CLVS1: variants seen among roughly 807,000 people sequenced by gnomAD.
CLVS1 encodes clavesin-1.
In CLVS1, 10 loss-of-function variants were observed where a neutral mutation model predicts 33.1. That is an observed-to-expected ratio of 0.30 (90% CI 0.19 to 0.51). CLVS1 has a LOEUF of 0.51. CLVS1 is among the 20% of genes least tolerant of loss of function. CLVS1 has a pLI of 0.97. For missense variants in CLVS1, 343 were observed against 433.4 expected (o/e 0.79, Z 1.85); for synonymous variants, 163 against 166.1 (o/e 0.98, Z 0.14).
chr8:61,367,347 CTT>C (rs1447344553), intron 2 of CLVS1, among the ~76,000 whole-genome samples: 3 of 152,126 alleles, frequency 2.0e-5, no homozygotes, highest in Non-Finnish European at 4.4e-5. Context: ...CACAGGAAAA[CTT>C]TGCATTCCTT....
rs1415541033 is a variant in CLVS1, at chr8:61,105,754, T to G, written c.-242-26016T>G. The stretch of plus-strand genomic sequence containing the variant: ...AGTGCAATCATGTTAGGGTAGGAGG[T>G]CTCTGAACATTTTTTTTTTTTACTT... On this transcript the variant is annotated intron_variant, in intron 1 of 2. Transcript: ENST00000522621. Among the ~76,000 whole-genome samples the G allele has an allele frequency of 2.7e-5, 4 of 149,956 alleles. No homozygotes were observed. In the South Asian group the frequency reaches 6.4e-4, roughly 24 times the overall value.
the CLVS1 span, among the ~76,000 whole-genome samples, chr8:61,004,783 C>T: frequency 9.8e-5 from 15 of 152,340 alleles, no homozygotes; most frequent in Admixed American, 5.2e-4. Context: ...GCCTGGGCCC[C>T]GCGGTGAGGG....
At chr8:61,419,766 C>A (rs1391068885) in intron 3 of CLVS1, among the ~76,000 whole-genome samples, 9 of 152,214 alleles carry the variant, frequency 5.9e-5, no homozygotes, top group Admixed American at 5.9e-4. Flanking sequence ...GCTTTCCTGG[C>A]ATAGCGTCCT....
At chr8:60,965,647 C>G in the CLVS1 span, among the ~76,000 whole-genome samples, 1 of 152,204 alleles carries the variant, frequency 6.6e-6, no homozygotes, top group East Asian at 1.9e-4. Context: ...GGCAGGAAGA[C>G]AGAGCCACCT....
chr8:61,472,499 A>G (rs1391952614), intron 5 of CLVS1, among the ~76,000 whole-genome samples: 1 of 152,186 alleles, frequency 6.6e-6, no homozygotes, highest in Non-Finnish European at 1.5e-5. Context: ...GATGAGGAAG[A>G]TATCATCAAC....
At chr8:61,431,824 C>T (rs1193627828) in intron 3 of CLVS1, among the ~76,000 whole-genome samples, 4 of 152,254 alleles carry the variant, frequency 2.6e-5, no homozygotes, top group East Asian at 3.9e-4. Context: ...TCAAACTATC[C>T]GTGCCAGAAA....
chr8:61,311,558 C>T (rs1313434761), intron 2 of CLVS1, among the ~76,000 whole-genome samples: 4 of 152,112 alleles, frequency 2.6e-5, no homozygotes, highest in Non-Finnish European at 5.9e-5. Context: ...GGCTGCCCAC[C>T]AGGAAGATGT....
intron 2 of CLVS1, chr8:61,202,266 T>C: frequency 1.7e-6 from 1 of 572,808 alleles, no homozygotes; most frequent in Non-Finnish European, 3.2e-6. Context: ...CCTGGTGTGA[T>C]TCCATCCTGT....
intron 2 of CLVS1, among the ~76,000 whole-genome samples, chr8:61,216,777 T>C (rs1475374533): frequency 1.3e-5 from 2 of 152,166 alleles, no homozygotes; most frequent in Non-Finnish European, 2.9e-5. Flanking sequence ...AGCTAAACAT[T>C]AGTTTGGATC....
At chr8:61,384,124 C>T (rs1813991533) in intron 3 of CLVS1, among the ~76,000 whole-genome samples, 1 of 152,156 alleles carries the variant, frequency 6.6e-6, no homozygotes, top group Non-Finnish European at 1.5e-5. Flanking sequence ...GAAGTGCTTA[C>T]AGACAGTGGA....
intron 2 of CLVS1, among the ~76,000 whole-genome samples, chr8:61,332,574 T>C (rs1241029233): frequency 6.6e-6 from 1 of 152,074 alleles, no homozygotes; most frequent in Admixed American, 6.5e-5. Flanking sequence ...CCTAAGTTTA[T>C]GCATTAAAAG....
At chr8:61,275,402 A>G (rs1200840915) in intron 2 of CLVS1, among the ~76,000 whole-genome samples, 3 of 152,188 alleles carry the variant, frequency 2.0e-5, no homozygotes, top group Non-Finnish European at 4.4e-5. Flanking sequence ...CTGGTTAGCA[A>G]TATGTTTCAC....
intron 2 of CLVS1, among the ~76,000 whole-genome samples, chr8:61,324,214 C>T (rs540780230): frequency 8.6e-5 from 13 of 152,012 alleles, no homozygotes; most frequent in Non-Finnish European, 1.6e-4. Context: ...CCCATAATTC[C>T]CATGTATTAG....
rs185680421 is a variant in CLVS1, at chr8:61,168,711, G to T, written c.-152+36851G>T. The stretch of plus-strand genomic sequence containing the variant: ...ATTAAAAACTGTGTTTTGAAGCTCT[G>T]CAAGCTGAAGCTAGTCAACCTAATA... On this transcript the variant is annotated intron_variant, in intron 2 of 2. Coordinates refer to the CLVS1 transcript ENST00000522621. Among the ~76,000 whole-genome samples the T allele has an allele frequency of 3.1e-3, 474 of 152,306 alleles. 2 individuals are homozygous for T. The highest frequency in any genetic ancestry group is 5.4e-3 in the Non-Finnish European group (365 of 68,034).
At position 61,194,520 on chromosome 8, in the gene CLVS1, A is replaced by T. The variant is rs140472080; in HGVS notation, c.-152+62660A>T. The stretch of plus-strand genomic sequence containing the variant: ...ACAATGATAAAAGGTTTAATTCAAC[A>T]TGAGAATTTAGCAATTTTAAGATTT... On this transcript the variant is annotated intron_variant, in intron 2 of 2. Transcript: ENST00000522621. Among the ~76,000 whole-genome samples, 307 of 152,164 alleles carry T rather than the reference A, an allele frequency of 2.0e-3. 2 individuals are homozygous for T. The highest frequency in any genetic ancestry group is 3.7e-3 in the Non-Finnish European group (252 of 67,916).
intron 2 of CLVS1, among the ~76,000 whole-genome samples, chr8:61,139,681 A>G (rs1198389461): frequency 6.7e-6 from 1 of 150,268 alleles, no homozygotes; most frequent in Non-Finnish European, 1.5e-5. Context: ...AGGGCGCGAG[A>G]GAGGGCTGCC....
At chr8:61,357,816 C>T (rs1234641815) in intron 2 of CLVS1, among the ~76,000 whole-genome samples, 1 of 152,070 alleles carries the variant, frequency 6.6e-6, no homozygotes, top group Non-Finnish European at 1.5e-5. Context: ...CCTGGCTTCC[C>T]AAAGTGCTGG....
intron 2 of CLVS1, among the ~76,000 whole-genome samples, chr8:61,318,097 C>T (rs533178326): frequency 1.2e-3 from 190 of 152,172 alleles, no homozygotes; most frequent in African/African-American, 4.2e-3. Flanking sequence ...ATTATGTCAG[C>T]GTGTATTTAG....
intron 2 of CLVS1, among the ~76,000 whole-genome samples, chr8:61,164,447 C>T (rs1464955310): frequency 6.6e-6 from 1 of 152,176 alleles, no homozygotes; most frequent in Non-Finnish European, 1.5e-5. Flanking sequence ...GAAACTGTGT[C>T]CACCCAAACA....
Sources: allele counts gnomAD v4.1 joint callset (sites outside exome capture counted in the v4.1 genomes callset), GRCh38; gene constraint gnomAD v4.1.1; transcripts MANE v1.5; gene names NCBI Gene and HGNC (gene_info 2026-07-23, HGNC 2026-07-21).